ANKRD30A: variants seen among roughly 807,000 people sequenced by gnomAD.
ANKRD30A encodes ankyrin repeat domain 30A.
Under a neutral mutation model 166.3 loss-of-function variants are expected in ANKRD30A, and 170 were observed. The observed-to-expected ratio is 1.02, with a 90% CI of 0.90 to 1.16. ANKRD30A has a LOEUF of 1.16. Ranked by LOEUF, ANKRD30A falls within the 50% of genes most tolerant of loss-of-function variation. The pLI is 0.00. For synonymous variants in ANKRD30A, 564 were observed against 508.9 expected (o/e 1.11, Z -1.46); for missense variants, 1,630 against 1,518.0 (o/e 1.07, Z -1.23).
At chr10:37,154,268 G>A (rs574249136) in intron 13 of ANKRD30A, among the ~76,000 whole-genome samples, 3 of 152,254 alleles carry the variant, frequency 2.0e-5, no homozygotes, top group Admixed American at 6.5e-5. Context: ...TATACACTCC[G>A]TATAGACCAG....
chr10:37,191,943 C>T (rs866888837), intron 25 of ANKRD30A, among the ~76,000 whole-genome samples: 15 of 151,984 alleles, frequency 9.9e-5, no homozygotes, highest in Middle Eastern at 3.4e-3. Flanking sequence ...TGTGGTGAGC[C>T]GATATTACAT....
At position 37,144,073 on chromosome 10, in the gene ANKRD30A, T is replaced by C. The variant is rs75550272; in HGVS notation, c.1394-922T>C. On this transcript the variant is annotated intron_variant, in intron 7 of 35. Transcript: ENST00000361713. ...GTTATTTTATTTTGATTTCTTTTACTGAATTTTTTTTAACTTAAAAATAAC... is the reference window on the plus strand; with the variant it reads ...GTTATTTTATTTTGATTTCTTTTACCGAATTTTTTTTAACTTAAAAATAAC... 1.8e-4 allele frequency among the ~76,000 whole-genome samples: 28 copies of C among 152,324 alleles called. 1 individual carries two copies. In the East Asian group the frequency reaches 5.0e-3, roughly 27 times the overall value.
intron 31 of ANKRD30A, among the ~76,000 whole-genome samples, chr10:37,214,562 G>A (rs1461414200): frequency 1.4e-5 from 2 of 140,880 alleles, no homozygotes; most frequent in Non-Finnish European, 3.1e-5. Context: ...ATATATATAT[G>A]TATAACTTTT....
At chr10:37,159,320 C>A (rs982789021) in intron 15 of ANKRD30A, among the ~76,000 whole-genome samples, 1 of 152,084 alleles carries the variant, frequency 6.6e-6, no homozygotes, top group Non-Finnish European at 1.5e-5. Flanking sequence ...AGTCCCAGAC[C>A]AGCCTGGTCA....
At chr10:37,154,125 C>G (rs1838176371) in intron 13 of ANKRD30A, among the ~76,000 whole-genome samples, 1 of 152,124 alleles carries the variant, frequency 6.6e-6, no homozygotes, top group East Asian at 1.9e-4. Context: ...CAAAAATATT[C>G]TGACTCTTAA....
chr10:37,163,034 T>A lies in ANKRD30A; in HGVS notation c.2002+186T>A, dbSNP rs189134522. 1.3e-3 allele frequency among the ~76,000 whole-genome samples: 191 copies of A among 152,208 alleles called. 1 individual carries two copies. Among genetic ancestry groups the A allele is most frequent in the African/African-American group, 4.3e-3 (180 of 41,520 alleles). ...GCACAGTAATTTTCAATATATTTTT[T>A]AAAAAAATGTAGCCTTAATCTCAGA... On this transcript the variant is annotated intron_variant, in intron 17 of 35. Coordinates refer to ENST00000361713, the MANE Select transcript of ANKRD30A (RefSeq NM_052997.3).
chr10:37,179,108 A>G (rs1290720131), intron 24 of ANKRD30A, among the ~76,000 whole-genome samples: 1 of 149,308 alleles, frequency 6.7e-6, no homozygotes, highest in African/African-American at 2.4e-5. Context: ...CAATTTGAAT[A>G]AGATATACTT....
the ANKRD30A span, among the ~76,000 whole-genome samples, chr10:37,246,435 TC>T: frequency 6.6e-6 from 1 of 152,346 alleles, no homozygotes; most frequent in East Asian, 1.9e-4. Flanking sequence ...TTTTAATCTG[TC>T]TTTTCATGTG....
At chr10:37,135,708 C>G (rs1456917077) in intron 5 of ANKRD30A, among the ~76,000 whole-genome samples, 1 of 152,070 alleles carries the variant, frequency 6.6e-6, no homozygotes, top group Non-Finnish European at 1.5e-5. Context: ...ATAGTCCAAG[C>G]CAGATGCTGA....
intron 25 of ANKRD30A, among the ~76,000 whole-genome samples, chr10:37,190,630 G>A (rs183781715): frequency 2.0e-4 from 31 of 151,846 alleles, no homozygotes; most frequent in Admixed American, 7.2e-4. Context: ...AGAGAATCCA[G>A]CTAGATGATT....
intron 21 of ANKRD30A, among the ~76,000 whole-genome samples, chr10:37,171,567 TC>T (rs1839566156): frequency 5.9e-5 from 9 of 151,694 alleles, no homozygotes; most frequent in Admixed American, 5.2e-4. Context: ...TTGTTGAACT[TC>T]AGAGATGCTC....
At chr10:37,248,236 CA>C in the ANKRD30A span, 1 of 616,944 alleles carries the variant, frequency 1.6e-6, no homozygotes. Flanking sequence ...GACTTCAACA[CA>C]AGGGTAAATA....
chr10:37,221,786 A>G (rs1304493698), intron 34 of ANKRD30A, among the ~76,000 whole-genome samples: 3 of 151,250 alleles, frequency 2.0e-5, no homozygotes, highest in Non-Finnish European at 4.4e-5. Flanking sequence ...TTATGTTACC[A>G]TGGCGAGGCA....
chr10:37,231,554 T>TGAGTTGTGAGTAAA lies in ANKRD30A; in HGVS notation c.*85_*86insGAGTTGTGAGTAAA. ...TCATGCTAGGAGGCCAGTCCTAGCATCACCTTATGTTGAAAATCTTACCAA... is the reference window on the plus strand; with the variant it reads ...TCATGCTAGGAGGCCAGTCCTAGCATGAGTTGTGAGTAAACACCTTATGTTGAAAATCTTACCAA... On this transcript the variant is annotated 3_prime_UTR_variant, in exon 35 of 36. Coordinates refer to ENST00000361713, the MANE Select transcript of ANKRD30A (RefSeq NM_052997.3). 9.0e-7 allele frequency: 1 copy of TGAGTTGTGAGTAAA among 1,107,772 alleles called. No homozygotes were observed. Among genetic ancestry groups the TGAGTTGTGAGTAAA allele is most frequent in the Non-Finnish European group, 1.3e-6 (1 of 782,974 alleles). 68.6% of individuals were successfully genotyped at this position (1,107,772 alleles called of 1,614,324 possible). A position where few individuals can be genotyped will look rare whatever the true frequency, so the allele number is the denominator to read the frequency against.
chr10:37,225,889 C>G (rs1344537013), intron 34 of ANKRD30A, among the ~76,000 whole-genome samples: 1 of 151,536 alleles, frequency 6.6e-6, no homozygotes, highest in Non-Finnish European at 1.5e-5. Flanking sequence ...CAATCGTCAC[C>G]ACAATCTATT....
At chr10:37,172,238 C>G (rs967340248) in intron 21 of ANKRD30A, among the ~76,000 whole-genome samples, 2 of 102,956 alleles carry the variant, frequency 1.9e-5, no homozygotes, top group African/African-American at 8.2e-5. Flanking sequence ...ATTTCTCAGG[C>G]GATGCTGCTG....
At chr10:37,246,691 C>T in the ANKRD30A span, among the ~76,000 whole-genome samples, 1 of 152,066 alleles carries the variant, frequency 6.6e-6, no homozygotes, top group African/African-American at 2.4e-5. Flanking sequence ...TTACCAGGCT[C>T]TTTTCAGAAA....
intron 19 of ANKRD30A, among the ~76,000 whole-genome samples, 178 bp downstream of exon 19, chr10:37,166,873 T>G (rs147778776): frequency 1.3e-5 from 2 of 152,082 alleles, no homozygotes; most frequent in African/African-American, 2.4e-5. Flanking sequence ...GACTATATTG[T>G]GAGTGCTGAA....
rs551041767 is a variant in ANKRD30A at position 37,125,831 on chromosome 10, C to A, written c.44C>A (p.Pro15Gln). Residue 15 changes from proline (P) to glutamine (Q), a missense_variant, in exon 1 of 36, where the codon CCG (proline) becomes CAG (glutamine). Physicochemically the swap from Pro to Gln is moderately conservative, Grantham distance 76. Coordinates refer to ENST00000361713, the MANE Select transcript of ANKRD30A (RefSeq NM_052997.3). ...GCCGCTGTCAAGGTCGTGCCGGGCC[C>A]GGAGCGCCCGAGCCCTTTCAGCCAG... is the stretch of plus-strand genomic sequence containing the variant. ...SAAAVKVVPG[P>Q]ERPSPFSQLV... 1.0e-6 allele frequency: 1 copy of A among 990,216 alleles called. No homozygotes were observed. Among genetic ancestry groups the A allele is most frequent in the Non-Finnish European group, 1.5e-6 (1 of 654,196 alleles). The allele number at this position is 990,216 out of a possible 1,614,324, so 61.3% of individuals were successfully genotyped here.
Sources: allele counts gnomAD v4.1 joint callset (sites outside exome capture counted in the v4.1 genomes callset), GRCh38; gene constraint gnomAD v4.1.1; transcripts MANE v1.5; gene names NCBI Gene and HGNC (gene_info 2026-07-23, HGNC 2026-07-21).